Variants in WDFY2 observed in about 807,000 individuals in gnomAD.
WDFY2 encodes the protein WD repeat and FYVE domain-containing protein 2.
WDFY2 carries 36 observed loss-of-function variants against 56.4 expected under a neutral mutation model. The ratio of observed to expected loss-of-function variants is 0.64; its 90% CI spans 0.49 to 0.84. WDFY2 has a LOEUF of 0.84. Ranked by LOEUF, WDFY2 falls within the 40% of genes least tolerant of loss-of-function variation. The pLI, the probability that WDFY2 is intolerant of heterozygous loss-of-function variation, is 0.00. For synonymous variants in WDFY2, 176 were observed against 183.7 expected (o/e 0.96, Z 0.34); for missense variants, 444 against 512.2 (o/e 0.87, Z 1.29).
chr13:51,711,916 T>TTG (rs1231850255), intron 4 of WDFY2, among the ~76,000 whole-genome samples: 2 of 152,184 alleles, frequency 1.3e-5, no homozygotes, highest in African/African-American at 4.8e-5. Context: ...GAAATACCAT[T>TTG]TGACCCAGCC....
chr13:51,711,014 C>A (rs1952201298), intron 4 of WDFY2, among the ~76,000 whole-genome samples: 1 of 152,302 alleles, frequency 6.6e-6, no homozygotes, highest in African/African-American at 2.4e-5. Flanking sequence ...AAGCTGGAGG[C>A]ATCACGCTAC....
At chr13:51,664,478 A>G (rs1335365626) in intron 2 of WDFY2, among the ~76,000 whole-genome samples, 1 of 152,214 alleles carries the variant, frequency 6.6e-6, no homozygotes, top group Non-Finnish European at 1.5e-5. Context: ...CAGAAAAGGT[A>G]GGGTGAACCA....
intron 8 of WDFY2, chr13:51,751,645 A>G: frequency 3.9e-6 from 2 of 511,382 alleles, no homozygotes; most frequent in Non-Finnish European, 7.1e-6. Flanking sequence ...AGCTGTTTAA[A>G]TCTGTTACAC....
chr13:51,670,594 A>G (rs1190020668), intron 2 of WDFY2, among the ~76,000 whole-genome samples: 1 of 150,860 alleles, frequency 6.6e-6, no homozygotes, highest in African/African-American at 2.4e-5. Flanking sequence ...ATGCCTTTGG[A>G]TGTGCCTGGG....
intron 6 of WDFY2, among the ~76,000 whole-genome samples, chr13:51,737,551 T>TAAA (rs67418551): frequency 0.028 from 1,515 of 53,184 alleles, 56 homozygotes; most frequent in African/African-American, 0.042. Context: ...ACAATGAATT[T>TAAA]AAAAAAAAAA....
chr13:51,640,258 T>A (rs1222739530), intron 1 of WDFY2, among the ~76,000 whole-genome samples: 1 of 152,230 alleles, frequency 6.6e-6, no homozygotes, highest in Non-Finnish European at 1.5e-5. Flanking sequence ...GTATATAATT[T>A]ATACAATTGT....
At chr13:51,625,804 C>T (rs1236772729) in intron 1 of WDFY2, among the ~76,000 whole-genome samples, 1 of 152,210 alleles carries the variant, frequency 6.6e-6, no homozygotes, top group Non-Finnish European at 1.5e-5. Flanking sequence ...AAGGATGAGG[C>T]GCAGCCAGGA....
intron 1 of WDFY2, among the ~76,000 whole-genome samples, chr13:51,651,165 T>G (rs1376170265): frequency 1.3e-5 from 2 of 152,242 alleles, no homozygotes; most frequent in Non-Finnish European, 2.9e-5. Context: ...GTCAAGGAAT[T>G]TATCCATTTC....
intron 1 of WDFY2, among the ~76,000 whole-genome samples, chr13:51,614,499 C>T (rs149666429): frequency 6.6e-6 from 1 of 152,332 alleles, no homozygotes; most frequent in East Asian, 1.9e-4. Flanking sequence ...ACCCATGGTG[C>T]TGCTGCCTTT....
intron 1 of WDFY2, among the ~76,000 whole-genome samples, chr13:51,618,254 G>A (rs1159195743): frequency 6.6e-6 from 1 of 152,220 alleles, no homozygotes; most frequent in Non-Finnish European, 1.5e-5. Flanking sequence ...CTATGTGCCA[G>A]TGCCGTGTTA....
intron 3 of WDFY2, among the ~76,000 whole-genome samples, chr13:51,685,363 G>A (rs1047457320): frequency 6.6e-6 from 1 of 152,152 alleles, no homozygotes; most frequent in Non-Finnish European, 1.5e-5. Flanking sequence ...TAGGGGCACT[G>A]ACCCCACCTC....
intron 3 of WDFY2, among the ~76,000 whole-genome samples, chr13:51,696,858 T>C (rs1022683731): frequency 1.3e-5 from 2 of 152,156 alleles, no homozygotes; most frequent in Admixed American, 6.6e-5. Flanking sequence ...ATGCAGAACT[T>C]CCCAGCATTA....
chr13:51,661,628 C>G (rs150414790), intron 2 of WDFY2, among the ~76,000 whole-genome samples: 1 of 152,098 alleles, frequency 6.6e-6, no homozygotes, highest in African/African-American at 2.4e-5. Context: ...ATAACTCAAA[C>G]AACAATTTTG....
At chr13:51,633,553 T>C (rs979686686) in intron 1 of WDFY2, among the ~76,000 whole-genome samples, 1 of 152,228 alleles carries the variant, frequency 6.6e-6, no homozygotes, top group African/African-American at 2.4e-5. Flanking sequence ...GCCTCTCCGC[T>C]CACTCTGCTG....
chr13:51,727,830 G>A (rs1336071955), intron 6 of WDFY2, 40 bp downstream of exon 6: 1 of 1,543,114 alleles, frequency 6.5e-7, no homozygotes, highest in East Asian at 2.2e-5. Flanking sequence ...TGATAGCACA[G>A]TGAGATATCG....
intron 1 of WDFY2, among the ~76,000 whole-genome samples, chr13:51,637,639 A>G (rs1416285626): frequency 6.6e-6 from 1 of 152,160 alleles, no homozygotes; most frequent in Non-Finnish European, 1.5e-5. Context: ...AAGCAAGTTT[A>G]TTAAGAAAGT....
intron 3 of WDFY2, among the ~76,000 whole-genome samples, chr13:51,677,946 G>GACTACTACCTGC (rs1462440145): frequency 6.6e-6 from 1 of 152,180 alleles, no homozygotes; most frequent in Non-Finnish European, 1.5e-5. Context: ...GGTAGCAGGT[G>GACTACTACCTGC]AGGTCATCTA....
chr13:51,631,131 C>T (rs1490175918), intron 1 of WDFY2, among the ~76,000 whole-genome samples: 6 of 149,898 alleles, frequency 4.0e-5, no homozygotes, highest in African/African-American at 9.7e-5. Flanking sequence ...GTGGCTCACG[C>T]CTGTAATCCC....
At chr13:51,715,355 T>A (rs1042978757) in intron 4 of WDFY2, among the ~76,000 whole-genome samples, 2 of 152,222 alleles carry the variant, frequency 1.3e-5, no homozygotes, top group East Asian at 1.9e-4. Flanking sequence ...TTTGGTTTTT[T>A]AAATTTTTAA....
Sources: gnomAD v4.1 joint callset for allele counts (sites outside exome capture counted in the v4.1 genomes callset) on GRCh38, gnomAD v4.1.1 for gene constraint, MANE v1.5 for transcripts, NCBI Gene and HGNC (gene_info 2026-07-23, HGNC 2026-07-21) for gene names.